The following ZFHX3 variants were observed in gnomAD, a reference collection of about 807,000 sequenced individuals.
The protein encoded by ZFHX3 is zinc finger homeobox 3.
In ZFHX3, 42 loss-of-function variants were observed where a neutral mutation model predicts 279.1. The ratio of observed to expected loss-of-function variants is 0.15; its 90% confidence interval spans 0.12 to 0.19. ZFHX3 has a LOEUF of 0.19. Ranked by LOEUF, ZFHX3 falls within the 10% of genes least tolerant of loss-of-function variation. The pLI is 1.00. For missense variants in ZFHX3, 4,981 were observed against 4,754.0 expected, an observed-to-expected ratio of 1.05 and a Z score of -1.40; for synonymous variants, 2,293 against 1,957.8, an observed-to-expected ratio of 1.17 and a Z score of -4.52.
chr16:73,027,861 T>C (rs1964566191), intron 1 of ZFHX3, among the ~76,000 whole-genome samples: 1 of 152,250 alleles, frequency 6.6e-6, no homozygotes. Flanking sequence ...TGTGATATAC[T>C]GCCCCTCCTG....
chr16:73,102,402 C>T (rs1481302674), intron 7 of ZFHX3, among the ~76,000 whole-genome samples: 2 of 152,206 alleles, frequency 1.3e-5, no homozygotes, highest in African/African-American at 4.8e-5. Flanking sequence ...TTCCACTAGG[C>T]TTGAAGCTGC....
chr16:73,662,778 C>T (rs542535990), intron 2 of ZFHX3, among the ~76,000 whole-genome samples: 2 of 152,142 alleles, frequency 1.3e-5, no homozygotes, highest in Admixed American at 6.5e-5. Context: ...CATTTTATCA[C>T]AATTTTATAG....
intron 2 of ZFHX3, among the ~76,000 whole-genome samples, chr16:73,649,620 C>T (rs574434708): frequency 6.6e-6 from 1 of 152,182 alleles, no homozygotes; most frequent in South Asian, 2.1e-4. Context: ...TTTTGTTCTA[C>T]CTATAGACTT....
chr16:73,320,076 G>A (rs2015544696), intron 3 of ZFHX3, among the ~76,000 whole-genome samples: 1 of 152,134 alleles, frequency 6.6e-6, no homozygotes, highest in Non-Finnish European at 1.5e-5. Context: ...GGAGGAGGAG[G>A]TAAAGGTTGG....
intron 2 of ZFHX3, among the ~76,000 whole-genome samples, chr16:73,491,520 C>G (rs925026954): frequency 3.9e-5 from 6 of 152,172 alleles, no homozygotes; most frequent in African/African-American, 1.4e-4. Flanking sequence ...CTAAACCATT[C>G]AGAAATCCGT....
At chr16:73,387,620 T>C (rs1185690239) in intron 3 of ZFHX3, among the ~76,000 whole-genome samples, 10 of 152,126 alleles carry the variant, frequency 6.6e-5, no homozygotes, top group Non-Finnish European at 1.5e-5. Flanking sequence ...CCCCATCTTT[T>C]TCCCCAAGAG....
chr16:73,425,114 A>G (rs1014205794), intron 3 of ZFHX3, among the ~76,000 whole-genome samples: 11 of 152,168 alleles, frequency 7.2e-5, no homozygotes, highest in Non-Finnish European at 1.0e-4. Context: ...GTGCTTTCCA[A>G]TGGAATGATC....
intron 1 of ZFHX3, among the ~76,000 whole-genome samples, chr16:73,758,096 AAC>A (rs1691008778): frequency 6.6e-6 from 1 of 152,202 alleles, no homozygotes; most frequent in Non-Finnish European, 1.5e-5. Context: ...CAAAATCCTG[AAC>A]AATTCTCTCA....
intron 5 of ZFHX3, among the ~76,000 whole-genome samples, chr16:73,209,374 G>A (rs1356806674): frequency 6.6e-6 from 1 of 152,136 alleles, no homozygotes; most frequent in East Asian, 1.9e-4. Flanking sequence ...GGGTCTGGAG[G>A]GTGGGAAGTC....
chr16:73,546,695 C>T (rs866623801), intron 2 of ZFHX3, among the ~76,000 whole-genome samples: 1 of 74,746 alleles, frequency 1.3e-5, no homozygotes, highest in Non-Finnish European at 2.3e-5. Flanking sequence ...GCTGCTGCTG[C>T]TGCTGCTGCT....
intron 7 of ZFHX3, chr16:73,093,697 C>CA (rs1966120438): frequency 3.7e-6 from 1 of 267,350 alleles, no homozygotes; most frequent in Non-Finnish European, 7.9e-6. Context: ...GACATTATCT[C>CA]ACCATAATGC....
chr16:73,033,510 G>C (rs913946376), intron 1 of ZFHX3, among the ~76,000 whole-genome samples: 1 of 151,668 alleles, frequency 6.6e-6, no homozygotes, highest in Non-Finnish European at 1.5e-5. Flanking sequence ...CAACTTGACT[G>C]GGGGGAAAGG....
chr16:73,661,851 A>G (rs1035010980), intron 2 of ZFHX3, among the ~76,000 whole-genome samples: 1 of 151,930 alleles, frequency 6.6e-6, no homozygotes, highest in African/African-American at 2.4e-5. Flanking sequence ...AGTACTATTT[A>G]TGTATTCTCC....
intron 3 of ZFHX3, among the ~76,000 whole-genome samples, chr16:72,930,632 C>T (rs1176213793): frequency 6.6e-6 from 1 of 152,200 alleles, no homozygotes; most frequent in East Asian, 1.9e-4. Flanking sequence ...CTATAAAACA[C>T]AGCCAGCACT....
chr16:73,194,959 C>A (rs895063197), intron 5 of ZFHX3, among the ~76,000 whole-genome samples: 1 of 152,140 alleles, frequency 6.6e-6, no homozygotes, highest in Non-Finnish European at 1.5e-5. Context: ...AATCAAAAAA[C>A]AAATAATAGC....
At chr16:73,682,942 G>GA (rs1242712738) in intron 1 of ZFHX3, among the ~76,000 whole-genome samples, 1 of 16,466 alleles carries the variant, frequency 6.1e-5, no homozygotes, top group African/African-American at 1.8e-4. Context: ...AAGAAAGAAA[G>GA]AAAGAAAGAA....
intron 4 of ZFHX3, among the ~76,000 whole-genome samples, chr16:73,283,123 T>G (rs2014498987): frequency 6.6e-6 from 1 of 152,212 alleles, no homozygotes; most frequent in South Asian, 2.1e-4. Flanking sequence ...CCATTGCCAG[T>G]GCCACGTAAA....
chr16:73,507,463 T>A (rs918499360), intron 2 of ZFHX3, among the ~76,000 whole-genome samples: 3 of 147,998 alleles, frequency 2.0e-5, no homozygotes, highest in Admixed American at 1.4e-4. Flanking sequence ...TACCAGAAAA[T>A]GCGTGAAATT....
intron 2 of ZFHX3, among the ~76,000 whole-genome samples, chr16:73,641,419 T>C (rs1240713602): frequency 2.6e-5 from 4 of 152,102 alleles, no homozygotes; most frequent in Non-Finnish European, 4.4e-5. Context: ...AAGTGCACGC[T>C]TACATATTGT....
Sources: allele counts gnomAD v4.1 joint callset (sites outside exome capture counted in the v4.1 genomes callset), GRCh38; gene constraint gnomAD v4.1.1; transcripts MANE v1.5; gene names NCBI Gene and HGNC (gene_info 2026-07-23, HGNC 2026-07-21).